PIK3R3: variants seen among roughly 807,000 people sequenced by gnomAD.
PIK3R3 encodes the protein phosphatidylinositol 3-kinase regulatory subunit gamma.
A neutral mutation model predicts 62.9 loss-of-function variants in PIK3R3; 64 were observed. The ratio of observed to expected loss-of-function variants is 1.02; its 90% CI spans 0.83 to 1.25. PIK3R3 has a LOEUF of 1.25. PIK3R3 is among the 50% of genes most tolerant of loss of function. The pLI is 0.00. For synonymous variants in PIK3R3, 165 were observed against 189.0 expected, an observed-to-expected ratio of 0.87 and a Z score of 1.04; for missense variants, 614 against 561.6, an observed-to-expected ratio of 1.09 and a Z score of -0.94.
At chr1:46,071,757 A>AGAGAGAGAGAGAGAGAGAGAGAGC (rs1230737377) in intron 3 of PIK3R3, among the ~76,000 whole-genome samples, 4 of 128,262 alleles carry the variant, frequency 3.1e-5, no homozygotes, top group African/African-American at 1.2e-4. Flanking sequence ...AGAGAGAGAG[A>AGAGAGAGAGAGAGAGAGAGAGAGC]GAGCGCGCGC....
At chr1:46,113,171 C>G (rs768275711) in intron 1 of PIK3R3, among the ~76,000 whole-genome samples, 6 of 152,126 alleles carry the variant, frequency 3.9e-5, no homozygotes, top group Non-Finnish European at 5.9e-5. Flanking sequence ...CTACTTAAAA[C>G]CAATCAGTGG....
chr1:46,133,350 G>A (rs890294470), upstream of PIK3R3, among the ~76,000 whole-genome samples: 5 of 152,236 alleles, frequency 3.3e-5, no homozygotes, highest in African/African-American at 7.2e-5. Context: ...AGTAAGGAGA[G>A]GAGCCAGGGA....
At position 46,096,023 on chromosome 1, in the gene PIK3R3, A is replaced by G. The variant is rs986991709; in HGVS notation, c.107-15273T>C. On this transcript the variant is annotated intron_variant, in intron 1 of 9. Coordinates refer to ENST00000262741, the MANE Select transcript of PIK3R3 (RefSeq NM_003629.4). ...GGTATTGAACTCCCAGACTCAAATG[A>G]TCCTCCTGCCTTGGCCTCCTAAAGC... 4.6e-5 allele frequency among the ~76,000 whole-genome samples: 7 copies of G among 152,272 alleles called. 1 individual carries two copies. The South Asian group carries it at 1.5e-3, about 32-fold the overall frequency.
At chr1:46,145,017 G>C in the PIK3R3 span, among the ~76,000 whole-genome samples, 1 of 151,748 alleles carries the variant, frequency 6.6e-6, no homozygotes, top group Non-Finnish European at 1.5e-5. Flanking sequence ...CAGCTACTCG[G>C]GAGGCTGAGG....
intron 3 of PIK3R3, among the ~76,000 whole-genome samples, chr1:46,073,903 G>T (rs112600390): frequency 8.7e-5 from 13 of 150,242 alleles, no homozygotes; most frequent in African/African-American, 3.2e-4. Flanking sequence ...CAAAGTGCTG[G>T]GATTACAGGA....
At chr1:46,104,269 G>A (rs947153689) in intron 1 of PIK3R3, among the ~76,000 whole-genome samples, 6 of 152,066 alleles carry the variant, frequency 3.9e-5, no homozygotes, top group East Asian at 1.9e-4. Context: ...AAAGGAAATC[G>A]TACGGGCCTA....
rs59919818 is a variant in PIK3R3, at chr1:46,132,269, G to C, written c.-317C>G. 1.1e-3 allele frequency: 1,224 copies of C among 1,126,178 alleles called. 9 individuals carry two copies. The African/African-American group carries it at 0.017, about 16-fold the overall frequency. The allele number at this position is 1,126,178 out of a possible 1,614,324, so 69.8% of individuals were successfully genotyped here. On this transcript the variant is annotated 5_prime_UTR_variant, in exon 1 of 10. Coordinates refer to ENST00000262741, the MANE Select transcript of PIK3R3 (RefSeq NM_003629.4). Reference sequence around the variant, plus strand: ...AATCCTTTCTACACAGTCGCTCTCCGGGGAGAAAAGCTCCCACCGCCTCCA... The same window carrying C: ...AATCCTTTCTACACAGTCGCTCTCCCGGGAGAAAAGCTCCCACCGCCTCCA...
At chr1:46,168,665 T>G in the PIK3R3 span, among the ~76,000 whole-genome samples, 5 of 152,160 alleles carry the variant, frequency 3.3e-5, no homozygotes, top group African/African-American at 1.2e-4. Flanking sequence ...ACTGAGGCAA[T>G]TGTGCAAGAT....
At chr1:46,158,883 C>T in the PIK3R3 span, among the ~76,000 whole-genome samples, 1 of 152,030 alleles carries the variant, frequency 6.6e-6, no homozygotes, top group Non-Finnish European at 1.5e-5. Context: ...GTCAGGAGTT[C>T]GAGACCAGCC....
At chr1:46,113,229 C>A (rs185739208) in intron 1 of PIK3R3, among the ~76,000 whole-genome samples, 191 of 151,980 alleles carry the variant, frequency 1.3e-3, no homozygotes, top group South Asian at 4.8e-3. Flanking sequence ...ATATAGCCTT[C>A]GGGGCCTTTC....
At chr1:46,094,405 G>T (rs1367877848) in intron 1 of PIK3R3, among the ~76,000 whole-genome samples, 1 of 151,902 alleles carries the variant, frequency 6.6e-6, no homozygotes, top group Non-Finnish European at 1.5e-5. Context: ...AGCTAACCAA[G>T]GGGAAAACAT....
chr1:46,167,853 C>A, the PIK3R3 span, among the ~76,000 whole-genome samples: 4 of 152,152 alleles, frequency 2.6e-5, no homozygotes, highest in African/African-American at 9.7e-5. Flanking sequence ...ATTCTTTAAG[C>A]CCAATTTAAA....
intron 1 of PIK3R3, among the ~76,000 whole-genome samples, chr1:46,129,169 C>G (rs1173425374): frequency 6.6e-6 from 1 of 151,642 alleles, no homozygotes; most frequent in African/African-American, 2.4e-5. Context: ...ATTCTGACAC[C>G]AAAGGTATCT....
At chr1:46,054,833 T>C (rs1389555675) in intron 7 of PIK3R3, among the ~76,000 whole-genome samples, 1 of 152,226 alleles carries the variant, frequency 6.6e-6, no homozygotes, top group Non-Finnish European at 1.5e-5. Flanking sequence ...ACTAAAGAAT[T>C]AGGTTTCACT....
chr1:46,133,309 G>A (rs1048321351), upstream of PIK3R3, among the ~76,000 whole-genome samples: 5 of 152,254 alleles, frequency 3.3e-5, no homozygotes, highest in Non-Finnish European at 5.9e-5. Flanking sequence ...AGACAGGCGG[G>A]GCTCCTGCTG....
chr1:46,110,174 C>T (rs530643089), intron 1 of PIK3R3, among the ~76,000 whole-genome samples: 11 of 151,682 alleles, frequency 7.3e-5, no homozygotes, highest in South Asian at 2.1e-4. Context: ...TGCAGTGGCA[C>T]GATCTCAGCT....
At chr1:46,084,996 T>A (rs780162446) in intron 1 of PIK3R3, among the ~76,000 whole-genome samples, 2 of 152,170 alleles carry the variant, frequency 1.3e-5, no homozygotes, top group Non-Finnish European at 2.9e-5. Context: ...TGAGATGAGT[T>A]GAGCTGACCA....
intron 3 of PIK3R3, among the ~76,000 whole-genome samples, chr1:46,071,730 T>TATATATAGAGAGAGAGAGAGAG (rs1163343399): frequency 1.7e-5 from 1 of 59,046 alleles, no homozygotes; most frequent in African/African-American, 7.9e-5. Context: ...TATATATATA[T>TATATATAGAGAGAGAGAGAGAG]AGAGAGAGAG....
At chr1:46,104,855 G>A (rs1163598850) in intron 1 of PIK3R3, 2 of 433,414 alleles carry the variant, frequency 4.6e-6, no homozygotes, top group Non-Finnish European at 8.3e-6. Context: ...TTGAACCCGG[G>A]ATGTGGAGGT....
Sources: allele counts gnomAD v4.1 joint callset (sites outside exome capture counted in the v4.1 genomes callset), GRCh38; gene constraint gnomAD v4.1.1; transcripts MANE v1.5; gene names NCBI Gene and HGNC (gene_info 2026-07-23, HGNC 2026-07-21).